The following KIF26B variants were observed in gnomAD, a reference collection of about 807,000 sequenced individuals.
The protein encoded by KIF26B is kinesin family member 26B.
A neutral mutation model predicts 151.2 loss-of-function variants in KIF26B; 63 were observed. The observed-to-expected ratio is 0.42, with a 90% CI of 0.34 to 0.51. KIF26B has a LOEUF of 0.51. KIF26B is among the 20% of genes least tolerant of loss of function. KIF26B has a pLI of 0.07. For missense variants in KIF26B, 2,813 were observed against 2,913.6 expected, an observed-to-expected ratio of 0.97 and a Z score of 0.79; for synonymous variants, 1,357 against 1,262.1, an observed-to-expected ratio of 1.08 and a Z score of -1.59.
Position 245,564,586 on chromosome 1 carries a change from CTTTT to C in KIF26B, c.1350+23638_1350+23641del, listed in dbSNP as rs1338461013. Among the ~76,000 whole-genome samples the C allele has an allele frequency of 6.6e-6, 1 of 152,148 alleles. No individual in the cohort carries two copies. The highest frequency in any genetic ancestry group is 6.5e-5 in the Admixed American group (1 of 15,272). ...TCTTTAGACGAAGCATCAACAAAGG[CTTTT>C]TCACTGAAATCCAAACTCAAGGTGT... On this transcript the variant is annotated intron_variant, in intron 5 of 14. Transcript: ENST00000407071. This position sits in a 1 kb window ranked among gnomAD's most constrained non-coding sequence, Gnocchi z 4.6.
At chr1:245,577,580 C>CT (rs2043132388) in intron 5 of KIF26B, among the ~76,000 whole-genome samples, 1 of 151,620 alleles carries the variant, frequency 6.6e-6, no homozygotes, top group African/African-American at 2.4e-5. Flanking sequence ...CCAGGCGATG[C>CT]TTCCCCTATA....
intron 2 of KIF26B, among the ~76,000 whole-genome samples, chr1:245,194,324 G>C (rs577434956): frequency 6.6e-6 from 1 of 152,234 alleles, no homozygotes; most frequent in East Asian, 1.9e-4. Context: ...CTCTGAGCAC[G>C]GTGCATGGGG....
Position 245,229,872 on chromosome 1 carries a change from C to T in KIF26B, c.465+73189C>T, listed in dbSNP as rs141085664. On this transcript the variant is annotated intron_variant, in intron 2 of 14. Coordinates refer to ENST00000407071, the MANE Select transcript of KIF26B (RefSeq NM_018012.4). ...CTCAGAGGCCGGGTTCGGTGGCTCA[C>T]GCCTGTAATCCCCGCACTTTGGGAG... Among the ~76,000 whole-genome samples, 296 of 152,332 alleles carry T rather than the reference C, an allele frequency of 1.9e-3. 3 individuals carry two copies. Among genetic ancestry groups the T allele is most frequent in the Middle Eastern group, 0.014 (4 of 294 alleles).
At chr1:245,515,851 G>A (rs573804398) in intron 4 of KIF26B, among the ~76,000 whole-genome samples, 70 of 152,258 alleles carry the variant, frequency 4.6e-4, no homozygotes, top group African/African-American at 1.7e-3. Flanking sequence ...CTTGTCCCAG[G>A]GTATGAATGA....
rs536184390 is a variant in KIF26B, at chr1:245,637,983, C to T, written c.2099-8138C>T. ...TTGGTCAGTATTGATTTATCTACTACGGGTTTTTTGTGATTCTATAAGAAT... is the reference window on the plus strand; with the variant it reads ...TTGGTCAGTATTGATTTATCTACTATGGGTTTTTTGTGATTCTATAAGAAT... On this transcript the variant is annotated intron_variant, in intron 9 of 14. Transcript: ENST00000407071. Among the ~76,000 whole-genome samples, 33 of 151,782 alleles carry T rather than the reference C, an allele frequency of 2.2e-4. No homozygotes were observed. In the South Asian group the frequency reaches 4.4e-3, roughly 20 times the overall value.
intron 2 of KIF26B, among the ~76,000 whole-genome samples, chr1:245,344,921 CGGCTT>C (rs1191795432): frequency 6.6e-6 from 1 of 152,026 alleles, no homozygotes; most frequent in Non-Finnish European, 1.5e-5. Flanking sequence ...TTCTATCCCC[CGGCTT>C]CAGTTGAGTT....
At chr1:245,268,664 C>T (rs532647985) in intron 2 of KIF26B, among the ~76,000 whole-genome samples, 6 of 152,116 alleles carry the variant, frequency 3.9e-5, no homozygotes, top group African/African-American at 1.2e-4. Flanking sequence ...GGAAGCAGAG[C>T]CCGGGAGGAT....
chr1:245,532,313 T>C lies in KIF26B; in HGVS notation c.1167-8454T>C, dbSNP rs570492562. On this transcript the variant is annotated intron_variant, in intron 4 of 14. Transcript: ENST00000407071. The stretch of plus-strand genomic sequence containing the variant: ...CAGGCTGGAGTGCAGTGGCGCGATC[T>C]CGGCTCACTGCAAGCTCTGCCTCCC... Among the ~76,000 whole-genome samples, 333 of 148,460 alleles carry C rather than the reference T, an allele frequency of 2.2e-3. 2 individuals carry two copies. The highest frequency in any genetic ancestry group is 4.4e-3 in the Admixed American group (64 of 14,656).
intron 10 of KIF26B, among the ~76,000 whole-genome samples, chr1:245,674,331 A>C (rs1414112537): frequency 6.6e-6 from 1 of 152,216 alleles, no homozygotes; most frequent in Admixed American, 6.5e-5. Flanking sequence ...AGACAATGTG[A>C]AACATGTCAG....
At chr1:245,162,847 TAAA>T (rs769663189) in intron 2 of KIF26B, among the ~76,000 whole-genome samples, 4 of 152,248 alleles carry the variant, frequency 2.6e-5, no homozygotes, top group African/African-American at 4.8e-5. Flanking sequence ...GAGTGATTGT[TAAA>T]AAGATGTTTG....
At chr1:245,508,727 C>T (rs1182210560) in intron 4 of KIF26B, among the ~76,000 whole-genome samples, 1 of 152,102 alleles carries the variant, frequency 6.6e-6, no homozygotes, top group African/African-American at 2.4e-5. Context: ...TCTGTTTAGG[C>T]GATTTCTTTG....
intron 2 of KIF26B, among the ~76,000 whole-genome samples, chr1:245,201,500 A>G (rs1401283225): frequency 6.6e-6 from 1 of 152,210 alleles, no homozygotes; most frequent in Non-Finnish European, 1.5e-5. Flanking sequence ...GACCACTGGA[A>G]TTCTAAATTC....
chr1:245,484,854 G>A (rs1660246369), intron 4 of KIF26B, among the ~76,000 whole-genome samples: 1 of 151,698 alleles, frequency 6.6e-6, no homozygotes, highest in Admixed American at 6.6e-5. Flanking sequence ...GAGGGCCTGT[G>A]ACTGGGCCCC....
intron 2 of KIF26B, among the ~76,000 whole-genome samples, chr1:245,280,263 C>G (rs1671014965): frequency 6.6e-6 from 1 of 151,288 alleles, no homozygotes; most frequent in Admixed American, 6.6e-5. Context: ...CCTGTAATCC[C>G]AGCACTTTGG....
intron 4 of KIF26B, among the ~76,000 whole-genome samples, chr1:245,472,122 C>A (rs2103064304): frequency 6.6e-6 from 1 of 152,220 alleles, no homozygotes; most frequent in African/African-American, 2.4e-5. Context: ...GGGATATAGA[C>A]AATAAACAAG....
At chr1:245,312,118 G>C (rs146091274) in intron 2 of KIF26B, among the ~76,000 whole-genome samples, 1,808 of 152,186 alleles carry the variant, frequency 0.012, 135 homozygotes, top group Admixed American at 0.11. Flanking sequence ...GGCTATCTGG[G>C]AATAATGGGC....
chr1:245,541,824 G>C (rs1337486315), intron 5 of KIF26B, among the ~76,000 whole-genome samples: 4 of 152,132 alleles, frequency 2.6e-5, no homozygotes, highest in Non-Finnish European at 5.9e-5. Flanking sequence ...TACTTGTTCA[G>C]TTCGCAGACT....
rs145368560 is a variant in KIF26B at position 245,239,031 on chromosome 1, G to A, written c.465+82348G>A. Among the ~76,000 whole-genome samples, 3 of 152,234 alleles carry A rather than the reference G, an allele frequency of 2.0e-5. No homozygotes were observed. The highest frequency in any genetic ancestry group is 2.9e-5 in the Non-Finnish European group (2 of 67,992). ...TTGATATGGAGACGTGGTTTCTTAC[G>A]TCTAATTTCGTTTTCCACCATCTAC... On this transcript the variant is annotated intron_variant, in intron 2 of 14. Coordinates refer to ENST00000407071, the MANE Select transcript of KIF26B (RefSeq NM_018012.4). The surrounding 1 kb of genome is among the most constrained non-coding windows in gnomAD (Gnocchi z 4.3).
intron 4 of KIF26B, among the ~76,000 whole-genome samples, chr1:245,505,174 G>A (rs1474426317): frequency 2.0e-5 from 3 of 151,224 alleles, no homozygotes; most frequent in African/African-American, 7.3e-5. Flanking sequence ...ATGACCTCAA[G>A]TGATCCGCCT....
Sources: gnomAD v4.1 joint callset for allele counts (sites outside exome capture counted in the v4.1 genomes callset) on GRCh38, gnomAD v4.1.1 for gene constraint, Gnocchi (gnomAD v3.1) non-coding constraint, MANE v1.5 for transcripts, NCBI Gene and HGNC (gene_info 2026-07-23, HGNC 2026-07-21) for gene names.